The following SKAP2 variants were observed in gnomAD, a reference collection of about 807,000 sequenced individuals.
SKAP2 encodes src kinase-associated phosphoprotein 2.
Under a neutral mutation model 54.9 loss-of-function variants are expected in SKAP2, and 28 were observed. The ratio of observed to expected loss-of-function variants is 0.51; its 90% CI spans 0.38 to 0.70. SKAP2 has a LOEUF of 0.70. Ranked by LOEUF, SKAP2 falls within the 30% of genes least tolerant of loss-of-function variation. The pLI, the probability that SKAP2 is intolerant of heterozygous loss-of-function variation, is 0.00. For synonymous variants in SKAP2, 137 were observed against 134.3 expected (o/e 1.02, Z -0.14); for missense variants, 356 against 424.1 (o/e 0.84, Z 1.41).
intron 1 of SKAP2, among the ~76,000 whole-genome samples, chr7:26,855,555 C>T (rs1785144535): frequency 6.6e-6 from 1 of 152,016 alleles, no homozygotes; most frequent in African/African-American, 2.4e-5. Flanking sequence ...TGAAATATTT[C>T]TTAAGGAAGA....
chr7:26,782,893 T>C (rs1308290457), intron 4 of SKAP2, among the ~76,000 whole-genome samples: 1 of 152,206 alleles, frequency 6.6e-6, no homozygotes, highest in African/African-American at 2.4e-5. Context: ...TCCAGAACTG[T>C]GAGCGATAAA....
chr7:26,702,002 C>T (rs1027267970), intron 9 of SKAP2, among the ~76,000 whole-genome samples: 3 of 152,038 alleles, frequency 2.0e-5, no homozygotes, highest in Admixed American at 1.3e-4. Flanking sequence ...GCCTTTTCTT[C>T]GGTGGCTATC....
chr7:26,727,645 G>C (rs1787736646), intron 6 of SKAP2, among the ~76,000 whole-genome samples: 5 of 152,052 alleles, frequency 3.3e-5, no homozygotes, highest in African/African-American at 9.6e-5. Context: ...TTCTTATCCA[G>C]TCAGTGAACA....
chr7:26,836,761 T>C (rs1025530221), intron 4 of SKAP2, among the ~76,000 whole-genome samples: 11 of 152,300 alleles, frequency 7.2e-5, no homozygotes, highest in South Asian at 2.1e-4. Context: ...AGTTCAACCA[T>C]TGTGGAAGAC....
At chr7:26,801,737 A>T (rs1240371288) in intron 4 of SKAP2, among the ~76,000 whole-genome samples, 1 of 152,236 alleles carries the variant, frequency 6.6e-6, no homozygotes, top group East Asian at 1.9e-4. Context: ...AAAGAAATTT[A>T]AAAAGTAATC....
At chr7:26,715,867 C>T (rs1378059587) in intron 9 of SKAP2, among the ~76,000 whole-genome samples, 1 of 152,210 alleles carries the variant, frequency 6.6e-6, no homozygotes, top group Non-Finnish European at 1.5e-5. Flanking sequence ...TGGAAAACTA[C>T]ATATTTTGTC....
At chr7:26,774,521 G>A (rs147817262) in intron 4 of SKAP2, among the ~76,000 whole-genome samples, 11 of 148,784 alleles carry the variant, frequency 7.4e-5, no homozygotes, top group African/African-American at 1.5e-4. Context: ...GTGTGTGTAT[G>A]TATATATATA....
intron 4 of SKAP2, among the ~76,000 whole-genome samples, chr7:26,818,512 A>G (rs752731979): frequency 6.6e-6 from 1 of 152,212 alleles, no homozygotes; most frequent in Non-Finnish European, 1.5e-5. Flanking sequence ...CATTCAGGAC[A>G]CAGGCATGGG....
chr7:26,751,520 T>C (rs1782681220), intron 4 of SKAP2, among the ~76,000 whole-genome samples: 1 of 152,156 alleles, frequency 6.6e-6, no homozygotes, highest in Non-Finnish European at 1.5e-5. Context: ...AAGGAAACTA[T>C]CTAATTTTTT....
intron 6 of SKAP2, among the ~76,000 whole-genome samples, chr7:26,731,366 G>A (rs568780322): frequency 2.6e-5 from 4 of 152,176 alleles, no homozygotes; most frequent in South Asian, 4.1e-4. Flanking sequence ...TTTGCATTTC[G>A]TCCTACAACT....
chr7:26,714,743 TG>T (rs1454454252), intron 9 of SKAP2, among the ~76,000 whole-genome samples: 1 of 152,242 alleles, frequency 6.6e-6, no homozygotes, highest in Non-Finnish European at 1.5e-5. Flanking sequence ...TGTGTTCGTG[TG>T]GCTATGTGTA....
intron 6 of SKAP2, among the ~76,000 whole-genome samples, chr7:26,728,583 A>T (rs1038262485): frequency 2.0e-5 from 3 of 152,114 alleles, no homozygotes; most frequent in African/African-American, 7.2e-5. Flanking sequence ...TAAATCATTC[A>T]CTCACTCATT....
chr7:26,765,263 C>G (rs191622810), intron 4 of SKAP2, among the ~76,000 whole-genome samples: 1,804 of 152,236 alleles, frequency 0.012, 35 homozygotes, highest in African/African-American at 0.041. Context: ...TGTTTTTTGG[C>G]CACATATATG....
At chr7:26,742,317 A>C (rs1468704969) in intron 4 of SKAP2, 2 of 152,140 alleles carry the variant, frequency 1.3e-5, no homozygotes, top group African/African-American at 4.8e-5. Context: ...AGAAAAGTTA[A>C]ATTATTCTGA....
rs149751328 is a variant in SKAP2 at position 26,766,094 on chromosome 7, T to C, written c.308-26130A>G. Among the ~76,000 whole-genome samples the C allele has an allele frequency of 4.7e-3, 710 of 152,350 alleles. 6 individuals are homozygous for C. Among genetic ancestry groups the C allele is most frequent in the African/African-American group, 0.016 (670 of 41,578 alleles). ...CAATTTTCACTATATTGATTCTTCC[T>C]ATCCATGAGCATGGAATGTTTTTCC... On this transcript the variant is annotated intron_variant, in intron 4 of 12. Coordinates refer to ENST00000345317, the MANE Select transcript of SKAP2 (RefSeq NM_003930.5).
intron 4 of SKAP2, among the ~76,000 whole-genome samples, chr7:26,741,745 CA>C (rs915161528): frequency 1.3e-5 from 2 of 148,974 alleles, no homozygotes; most frequent in Non-Finnish European, 3.0e-5. Flanking sequence ...TGTGTACCCA[CA>C]AAAATTAAAA....
At chr7:26,710,500 C>T (rs769069683) in intron 9 of SKAP2, among the ~76,000 whole-genome samples, 4 of 151,956 alleles carry the variant, frequency 2.6e-5, no homozygotes, top group Admixed American at 6.6e-5. Context: ...ACTGAACAAA[C>T]GGGACAGCAT....
intron 9 of SKAP2, among the ~76,000 whole-genome samples, chr7:26,699,037 A>G (rs530958636): frequency 1.3e-5 from 2 of 152,332 alleles, no homozygotes; most frequent in Non-Finnish European, 2.9e-5. Context: ...CCAACTGACC[A>G]AAGCATGTTA....
intron 4 of SKAP2, among the ~76,000 whole-genome samples, chr7:26,762,978 C>CA (rs1562601345): frequency 6.6e-6 from 1 of 152,076 alleles, no homozygotes; most frequent in African/African-American, 2.4e-5. Context: ...TTTAACTGAA[C>CA]AAACTTGCTA....
Sources: gnomAD v4.1 joint callset for allele counts (sites outside exome capture counted in the v4.1 genomes callset) on GRCh38, gnomAD v4.1.1 for gene constraint, MANE v1.5 for transcripts, NCBI Gene and HGNC (gene_info 2026-07-23, HGNC 2026-07-21) for gene names.